Variants in TAFA1 observed in about 807,000 individuals in gnomAD.
TAFA1 encodes the protein chemokine-like protein TAFA-1.
TAFA1 carries 4 observed loss-of-function variants against 18.5 expected under a neutral mutation model. That is an observed-to-expected ratio of 0.22 (90% confidence interval 0.11 to 0.49). The LOEUF (loss-of-function observed/expected upper bound fraction) is 0.49, where lower values mean the gene tolerates loss of function less well. TAFA1 is among the 20% of genes least tolerant of loss of function. TAFA1 has a pLI of 0.98. For missense variants in TAFA1, 147 were observed against 169.0 expected (o/e 0.87, Z 0.72); for synonymous variants, 56 against 55.2 (o/e 1.01, Z -0.06).
rs79213952 is a variant in TAFA1, at chr3:68,090,376, A to G, written c.118+83632A>G. Reference sequence around the variant, plus strand: ...AAAATTGTAGTATAATATCATGACCAGGACACTAACAATTCATTTTTACAT... The same window carrying G: ...AAAATTGTAGTATAATATCATGACCGGGACACTAACAATTCATTTTTACAT... On this transcript the variant is annotated intron_variant, in intron 2 of 4. Coordinates refer to ENST00000478136, the MANE Select transcript of TAFA1 (RefSeq NM_213609.4). Among the ~76,000 whole-genome samples, 261 of 152,316 alleles carry G rather than the reference A, an allele frequency of 1.7e-3. 2 individuals carry two copies. The highest frequency in any genetic ancestry group is 5.8e-3 in the African/African-American group (242 of 41,578).
At chr3:68,036,552 A>G (rs1705053599) in intron 2 of TAFA1, among the ~76,000 whole-genome samples, 1 of 152,140 alleles carries the variant, frequency 6.6e-6, no homozygotes, top group East Asian at 1.9e-4. Flanking sequence ...TGTTTTGCCT[A>G]AAGTCGTAGA....
rs149473353 is a variant in TAFA1, at chr3:68,010,374, C to T, written c.118+3630C>T. Among the ~76,000 whole-genome samples the T allele has an allele frequency of 4.2e-3, 635 of 152,278 alleles. 5 individuals carry two copies. Among genetic ancestry groups the T allele is most frequent in the African/African-American group, 0.015 (618 of 41,566 alleles). ...GTGGAATTTGACGTGATGTTCCCCT[C>T]GTTCAGATTGCCTCACCTGGATGGC... On this transcript the variant is annotated intron_variant, in intron 2 of 4. Coordinates refer to ENST00000478136, the MANE Select transcript of TAFA1 (RefSeq NM_213609.4).
intron 2 of TAFA1, among the ~76,000 whole-genome samples, chr3:68,126,174 C>T (rs1167384979): frequency 4.6e-5 from 7 of 152,166 alleles, no homozygotes; most frequent in Admixed American, 3.9e-4. Flanking sequence ...CTGATCAAAC[C>T]GATGTCTTTG....
chr3:68,208,790 T>C (rs1310900597), intron 2 of TAFA1, among the ~76,000 whole-genome samples: 1 of 151,992 alleles, frequency 6.6e-6, no homozygotes, highest in East Asian at 1.9e-4. Flanking sequence ...CCAAGTTGTA[T>C]GCTTGGGTGG....
intron 2 of TAFA1, among the ~76,000 whole-genome samples, chr3:68,390,556 A>T (rs2070214238): frequency 6.6e-6 from 1 of 152,166 alleles, no homozygotes; most frequent in Non-Finnish European, 1.5e-5. Context: ...ATGCCTTCTG[A>T]TGGGGAGACA....
chr3:68,515,528 A>G (rs1272083639), intron 3 of TAFA1, among the ~76,000 whole-genome samples: 1 of 152,204 alleles, frequency 6.6e-6, no homozygotes, highest in African/African-American at 2.4e-5. Context: ...GGAAAATTAA[A>G]GTATTGTTCC....
intron 2 of TAFA1, among the ~76,000 whole-genome samples, chr3:68,113,259 A>T (rs756418952): frequency 6.6e-6 from 1 of 152,208 alleles, no homozygotes; most frequent in African/African-American, 2.4e-5. Flanking sequence ...TGCAATAAAC[A>T]TGTACACATA....
intron 2 of TAFA1, among the ~76,000 whole-genome samples, chr3:68,189,813 T>A (rs774342420): frequency 3.3e-5 from 5 of 151,978 alleles, no homozygotes; most frequent in Admixed American, 2.6e-4. Context: ...TCTGGCATTA[T>A]GCCTGGCACA....
intron 3 of TAFA1, among the ~76,000 whole-genome samples, chr3:68,537,793 G>A (rs1456758639): frequency 6.6e-6 from 1 of 152,044 alleles, no homozygotes; most frequent in Non-Finnish European, 1.5e-5. Flanking sequence ...TATGCATTTG[G>A]CATAAAAACA....
chr3:68,047,435 A>G (rs2064403364), intron 2 of TAFA1, among the ~76,000 whole-genome samples: 1 of 152,198 alleles, frequency 6.6e-6, no homozygotes, highest in Non-Finnish European at 1.5e-5. Context: ...CACAGAAGGG[A>G]AAGTTTATTT....
At chr3:68,244,736 A>T (rs947270379) in intron 2 of TAFA1, among the ~76,000 whole-genome samples, 1 of 152,176 alleles carries the variant, frequency 6.6e-6, no homozygotes, top group African/African-American at 2.4e-5. Context: ...CATAAAAATA[A>T]TTAGAAGTAT....
chr3:68,311,103 C>A (rs781498390), intron 2 of TAFA1, among the ~76,000 whole-genome samples: 7 of 151,990 alleles, frequency 4.6e-5, no homozygotes, highest in Admixed American at 3.3e-4. Context: ...AGGGAGACTC[C>A]CATTTTTAAA....
chr3:68,250,497 G>T (rs748733770), intron 2 of TAFA1, among the ~76,000 whole-genome samples: 5 of 152,010 alleles, frequency 3.3e-5, no homozygotes, highest in Non-Finnish European at 5.9e-5. Context: ...TGCATATTTT[G>T]TCCTCACAGC....
Position 68,309,468 on chromosome 3 carries a change from A to G in TAFA1, c.119-107812A>G, listed in dbSNP as rs1328155689. On this transcript the variant is annotated intron_variant, in intron 2 of 4. Transcript: ENST00000478136. ...CACAGCACTAATAAATAGCCAAGAG[A>G]AAATTTAACCCATGTCTATCCTATT... Among the ~76,000 whole-genome samples the G allele has an allele frequency of 2.0e-5, 3 of 152,196 alleles. No individual in the cohort carries two copies. The East Asian group carries it at 5.8e-4, about 29-fold the overall frequency.
intron 2 of TAFA1, among the ~76,000 whole-genome samples, chr3:68,121,271 G>A (rs1282942022): frequency 1.3e-5 from 2 of 151,676 alleles, no homozygotes; most frequent in East Asian, 3.9e-4. Context: ...GTGTGTGTGT[G>A]TGTGTGTGTG....
At chr3:68,233,381 A>G (rs1035451253) in intron 2 of TAFA1, among the ~76,000 whole-genome samples, 1 of 152,258 alleles carries the variant, frequency 6.6e-6, no homozygotes, top group Admixed American at 6.5e-5. Flanking sequence ...CCATTTATGG[A>G]AGAGAATGTT....
At chr3:68,066,208 C>T (rs916684523) in intron 2 of TAFA1, among the ~76,000 whole-genome samples, 26 of 152,128 alleles carry the variant, frequency 1.7e-4, no homozygotes, top group African/African-American at 5.8e-4. Flanking sequence ...TCAATAAAGC[C>T]GTATGTGTCA....
intron 3 of TAFA1, among the ~76,000 whole-genome samples, chr3:68,425,215 T>C (rs758744528): frequency 1.7e-4 from 26 of 151,978 alleles, no homozygotes; most frequent in Admixed American, 8.5e-4. Flanking sequence ...CTATTTTGGT[T>C]CTGCCATTTG....
intron 2 of TAFA1, among the ~76,000 whole-genome samples, chr3:68,272,488 T>A (rs1559592767): frequency 6.6e-6 from 1 of 152,138 alleles, no homozygotes; most frequent in Admixed American, 6.6e-5. Flanking sequence ...GATGAATATA[T>A]GGTTATTGAG....
Sources: allele counts gnomAD v4.1 joint callset (sites outside exome capture counted in the v4.1 genomes callset), GRCh38; gene constraint gnomAD v4.1.1; transcripts MANE v1.5; gene names NCBI Gene and HGNC (gene_info 2026-07-23, HGNC 2026-07-21).